Variants in RUNDC3B observed in about 807,000 individuals in gnomAD.
The protein encoded by RUNDC3B is RUN domain containing 3B, also known as RUN domain-containing protein 3B.
A neutral mutation model predicts 58.4 loss-of-function variants in RUNDC3B; 33 were observed. The ratio of observed to expected loss-of-function variants is 0.56; its 90% confidence interval spans 0.43 to 0.75. The LOEUF (loss-of-function observed/expected upper bound fraction) is 0.75, where lower values mean the gene tolerates loss of function less well. Among genes scored for constraint, RUNDC3B ranks in the 30% least tolerant of loss-of-function variants. The probability of loss-of-function intolerance (pLI) is 0.00; values close to 1 mark genes in which losing one functional copy is unlikely to be tolerated. For missense variants in RUNDC3B, 501 were observed against 535.7 expected, an observed-to-expected ratio of 0.94 and a Z score of 0.64; for synonymous variants, 193 against 195.2, an observed-to-expected ratio of 0.99 and a Z score of 0.10.
intron 4 of RUNDC3B, among the ~76,000 whole-genome samples, chr7:87,729,916 A>G (rs1271118980): frequency 3.3e-5 from 5 of 152,206 alleles, no homozygotes; most frequent in Non-Finnish European, 4.4e-5. Flanking sequence ...TATCAGGAAC[A>G]GTCTTTGAGG....
At chr7:87,725,281 C>A (rs2130782550) in intron 4 of RUNDC3B, among the ~76,000 whole-genome samples, 1 of 152,266 alleles carries the variant, frequency 6.6e-6, no homozygotes, top group South Asian at 2.1e-4. Context: ...TGATGTTCTC[C>A]TTCCTGTGTC....
At chr7:87,769,824 C>T (rs546052589) in intron 6 of RUNDC3B, among the ~76,000 whole-genome samples, 1 of 152,092 alleles carries the variant, frequency 6.6e-6, no homozygotes, top group Non-Finnish European at 1.5e-5. Flanking sequence ...GCCAACAGGC[C>T]GCGGTGTGTG....
At chr7:87,795,499 G>A (rs1835766890) in intron 8 of RUNDC3B, among the ~76,000 whole-genome samples, 1 of 152,166 alleles carries the variant, frequency 6.6e-6, no homozygotes, top group African/African-American at 2.4e-5. Context: ...CAAAGATGTG[G>A]AGTAAACTAA....
At chr7:87,682,553 T>C (rs1827033026) in intron 2 of RUNDC3B, among the ~76,000 whole-genome samples, 1 of 152,246 alleles carries the variant, frequency 6.6e-6, no homozygotes, top group Non-Finnish European at 1.5e-5. Context: ...AATCTCCTGG[T>C]ACATCTCTGT....
intron 3 of RUNDC3B, among the ~76,000 whole-genome samples, chr7:87,710,122 G>T (rs951162366): frequency 6.6e-6 from 1 of 152,036 alleles, no homozygotes; most frequent in African/African-American, 2.4e-5. Flanking sequence ...CCACTGAAAG[G>T]ATAGGATTGA....
At chr7:87,762,328 T>C (rs1447777913) in intron 6 of RUNDC3B, among the ~76,000 whole-genome samples, 3 of 151,540 alleles carry the variant, frequency 2.0e-5, no homozygotes, top group Non-Finnish European at 4.4e-5. Flanking sequence ...TTGTGAACAA[T>C]AGTATATTAT....
At chr7:87,677,274 AAC>A (rs57009840) in intron 2 of RUNDC3B, among the ~76,000 whole-genome samples, 13,968 of 135,500 alleles carry the variant, frequency 0.1, 719 homozygotes, top group Non-Finnish European at 0.11. Context: ...CAGTGTATAT[AAC>A]ACACACACAC....
intron 7 of RUNDC3B, among the ~76,000 whole-genome samples, chr7:87,772,197 T>C (rs569771846): frequency 3.3e-5 from 5 of 152,258 alleles, no homozygotes; most frequent in East Asian, 3.9e-4. Context: ...TATAATTTAC[T>C]TAGTTGTAAA....
chr7:87,753,982 G>A (rs891384336), intron 6 of RUNDC3B, among the ~76,000 whole-genome samples: 2 of 152,154 alleles, frequency 1.3e-5, no homozygotes, highest in African/African-American at 2.4e-5. Flanking sequence ...AGGTATAAAA[G>A]TACATTCCAA....
At chr7:87,683,393 A>G (rs1453430181) in intron 2 of RUNDC3B, among the ~76,000 whole-genome samples, 1 of 152,190 alleles carries the variant, frequency 6.6e-6, no homozygotes, top group Non-Finnish European at 1.5e-5. Flanking sequence ...TGGCTATCTC[A>G]GTTTTTGACA....
chr7:87,681,273 C>A lies in RUNDC3B; in HGVS notation c.239-19148C>A, dbSNP rs555831074. Among the ~76,000 whole-genome samples, 145 of 150,576 alleles carry A rather than the reference C, an allele frequency of 9.6e-4. 7 individuals carry two copies. The Middle Eastern group carries it at 0.01, about 11-fold the overall frequency. ...CAGCCATTAAGGTAATAATAGTAAT[C>A]CTATTCAATCCATCTCAGAAAATAG... is the stretch of plus-strand genomic sequence containing the variant. On this transcript the variant is annotated intron_variant, in intron 2 of 10. Coordinates refer to ENST00000394654, the MANE Select transcript of RUNDC3B (RefSeq NM_001134405.2).
chr7:87,665,109 C>T (rs1825096373), intron 2 of RUNDC3B, among the ~76,000 whole-genome samples: 1 of 151,916 alleles, frequency 6.6e-6, no homozygotes, highest in Non-Finnish European at 1.5e-5. Flanking sequence ...AGCAATTATG[C>T]AAGAAAAATA....
chr7:87,791,836 A>G (rs896408048), intron 8 of RUNDC3B, among the ~76,000 whole-genome samples: 5 of 152,152 alleles, frequency 3.3e-5, no homozygotes, highest in African/African-American at 4.8e-5. Flanking sequence ...ACCAGAAAAC[A>G]ACAAAATGAT....
intron 6 of RUNDC3B, among the ~76,000 whole-genome samples, chr7:87,747,241 C>G (rs1832694680): frequency 6.6e-6 from 1 of 152,140 alleles, no homozygotes; most frequent in Non-Finnish European, 1.5e-5. Context: ...ATTGTTGTCT[C>G]TCTTCTGGGT....
Position 87,677,454 on chromosome 7 carries a change from A to C in RUNDC3B, c.239-22967A>C, listed in dbSNP as rs1005380090. Among the ~76,000 whole-genome samples, 5 of 152,140 alleles carry C rather than the reference A, an allele frequency of 3.3e-5. 1 individual carries two copies. Among genetic ancestry groups the C allele is most frequent in the Non-Finnish European group, 7.4e-5 (5 of 68,022 alleles). On this transcript the variant is annotated intron_variant, in intron 2 of 10. Transcript: ENST00000394654. The stretch of plus-strand genomic sequence containing the variant: ...AATACCACGTGATCTCATGTATTAG[A>C]TATGGAGCCTAAAAATAGTCAAACT...
chr7:87,763,949 A>G (rs1833836570), intron 6 of RUNDC3B, among the ~76,000 whole-genome samples: 1 of 151,816 alleles, frequency 6.6e-6, no homozygotes, highest in Non-Finnish European at 1.5e-5. Flanking sequence ...AGGATGAAAT[A>G]TATAATGTCT....
chr7:87,655,732 G>C (rs1014762313), intron 2 of RUNDC3B, among the ~76,000 whole-genome samples: 1 of 152,112 alleles, frequency 6.6e-6, no homozygotes, highest in Admixed American at 6.6e-5. Context: ...AAAATGATAA[G>C]TATGTGAGGG....
Position 87,707,544 on chromosome 7 carries a change from C to T in RUNDC3B, c.373-3026C>T, listed in dbSNP as rs182454945. On this transcript the variant is annotated intron_variant, in intron 3 of 10. Coordinates refer to ENST00000394654, the MANE Select transcript of RUNDC3B (RefSeq NM_001134405.2). ...CAAAAATTAGCCAGGTGTGGTGGCA[C>T]GCACCTGTAGCCCCAGCTACTCAGG... Among the ~76,000 whole-genome samples the T allele has an allele frequency of 3.8e-3, 584 of 152,040 alleles. 2 individuals carry two copies. Among genetic ancestry groups the T allele is most frequent in the Non-Finnish European group, 5.8e-3 (395 of 67,938 alleles).
intron 3 of RUNDC3B, among the ~76,000 whole-genome samples, chr7:87,701,863 G>T (rs972073223): frequency 3.4e-4 from 52 of 152,060 alleles, no homozygotes; most frequent in African/African-American, 1.3e-3. Flanking sequence ...AGAGATACTG[G>T]CCGGGCGCGG....
Sources: gnomAD v4.1 joint callset for allele counts (sites outside exome capture counted in the v4.1 genomes callset) on GRCh38, gnomAD v4.1.1 for gene constraint, MANE v1.5 for transcripts, NCBI Gene and HGNC (gene_info 2026-07-23, HGNC 2026-07-21) for gene names.